The following SMOC2 variants were observed in gnomAD, a reference collection of about 807,000 sequenced individuals.
The protein encoded by SMOC2 is SPARC related modular calcium binding 2.
Under a neutral mutation model 61.4 loss-of-function variants are expected in SMOC2, and 39 were observed. The ratio of observed to expected loss-of-function variants is 0.64; its 90% CI spans 0.49 to 0.83. The LOEUF (loss-of-function observed/expected upper bound fraction) is 0.83. Among genes scored for constraint, SMOC2 ranks in the 40% least tolerant of loss-of-function variants. SMOC2 has a pLI of 0.00. For synonymous variants in SMOC2, 247 were observed against 239.9 expected, an observed-to-expected ratio of 1.03 and a Z score of -0.27; for missense variants, 556 against 592.9, an observed-to-expected ratio of 0.94 and a Z score of 0.65.
chr6:168,442,882 T>G (rs1314515417), intron 1 of SMOC2, among the ~76,000 whole-genome samples: 1 of 151,628 alleles, frequency 6.6e-6, no homozygotes, highest in Non-Finnish European at 1.5e-5. Flanking sequence ...TCCAAGGAGG[T>G]TTTCACACAC....
In SMOC2 at chr6:168,577,648, G is replaced by A. The variant is rs374036650; in HGVS notation, c.638-21170G>A. ...TCCTGGACTGGCTCTATCTGGTCCC[G>A]CAGCATCTCCCAGCAGTGATTCATT... On this transcript the variant is annotated intron_variant, in intron 7 of 12. Transcript: ENST00000356284. Among the ~76,000 whole-genome samples the A allele has an allele frequency of 1.2e-4, 19 of 152,256 alleles. No homozygotes were observed. The East Asian group carries it at 2.3e-3, about 19-fold the overall frequency.
At chr6:168,477,685 T>C (rs1487673013) in intron 1 of SMOC2, among the ~76,000 whole-genome samples, 1 of 152,066 alleles carries the variant, frequency 6.6e-6, no homozygotes. Context: ...AACACCTTGG[T>C]GTGTGTGTGT....
chr6:168,508,120 G>A (rs964205993), intron 1 of SMOC2, among the ~76,000 whole-genome samples: 12 of 152,226 alleles, frequency 7.9e-5, no homozygotes, highest in African/African-American at 2.7e-4. Context: ...ACAGCATCTT[G>A]TGTGCCCTAC....
intron 4 of SMOC2, among the ~76,000 whole-genome samples, chr6:168,534,462 C>T (rs1434982345): frequency 6.6e-6 from 1 of 152,232 alleles, no homozygotes; most frequent in Non-Finnish European, 1.5e-5. Flanking sequence ...AAGTCAGGTT[C>T]CCCTGCGTCC....
At chr6:168,612,808 G>GCTCT (rs1785915808) in intron 9 of SMOC2, among the ~76,000 whole-genome samples, 2 of 152,214 alleles carry the variant, frequency 1.3e-5, no homozygotes, top group Non-Finnish European at 2.9e-5. Context: ...GAAAGACAGA[G>GCTCT]GTGCAGGGAG....
At chr6:168,466,685 G>A (rs1562542928) in intron 1 of SMOC2, among the ~76,000 whole-genome samples, 1 of 152,216 alleles carries the variant, frequency 6.6e-6, no homozygotes, top group Non-Finnish European at 1.5e-5. Context: ...CCCAGAGGAC[G>A]AATTCTTCAA....
chr6:168,468,654 C>T (rs1781898589), intron 1 of SMOC2, among the ~76,000 whole-genome samples: 1 of 152,210 alleles, frequency 6.6e-6, no homozygotes, highest in Non-Finnish European at 1.5e-5. Flanking sequence ...CGTGCCTCAG[C>T]CTCCCGAGTA....
At chr6:168,643,673 A>AGCC (rs1482263562) in intron 9 of SMOC2, among the ~76,000 whole-genome samples, 1,939 of 152,248 alleles carry the variant, frequency 0.013, 50 homozygotes, top group African/African-American at 0.044. Flanking sequence ...GCTCCAGGTG[A>AGCC]GCTCGGCACA....
intron 11 of SMOC2, chr6:168,655,431 T>C: frequency 2.2e-6 from 1 of 456,452 alleles, no homozygotes; most frequent in Non-Finnish European, 4.4e-6. Flanking sequence ...AGAGCCCAGA[T>C]GTTCTTAGGA....
intron 1 of SMOC2, among the ~76,000 whole-genome samples, chr6:168,454,913 C>G (rs1028209377): frequency 9.9e-5 from 15 of 151,924 alleles, no homozygotes; most frequent in Non-Finnish European, 1.6e-4. Flanking sequence ...GCCAGGGTCC[C>G]GGTTTGAGAC....
chr6:168,635,648 A>C (rs1786696721), intron 9 of SMOC2, among the ~76,000 whole-genome samples: 1 of 152,186 alleles, frequency 6.6e-6, no homozygotes, highest in Non-Finnish European at 1.5e-5. Context: ...AGGTGGGTAG[A>C]TCACTTGAGG....
chr6:168,646,265 A>G (rs1270699884), intron 9 of SMOC2, among the ~76,000 whole-genome samples: 4 of 152,128 alleles, frequency 2.6e-5, no homozygotes, highest in Non-Finnish European at 4.4e-5. Flanking sequence ...CCTCACTGGC[A>G]CAATCCAGAC....
intron 7 of SMOC2, among the ~76,000 whole-genome samples, chr6:168,582,684 GC>G (rs2115161066): frequency 6.6e-6 from 1 of 152,332 alleles, no homozygotes; most frequent in East Asian, 1.9e-4. Flanking sequence ...CTGGAACGCC[GC>G]CATGGAGAGA....
intron 1 of SMOC2, among the ~76,000 whole-genome samples, chr6:168,483,930 A>G (rs1434087399): frequency 6.6e-6 from 1 of 152,206 alleles, no homozygotes. Flanking sequence ...CATCAGATAC[A>G]ATAATTAACT....
At chr6:168,608,080 G>A (rs1376210069) in intron 8 of SMOC2, 77 bp from the exon 9 acceptor site, 1 of 1,397,060 alleles carries the variant, frequency 7.2e-7, no homozygotes, top group African/African-American at 1.4e-5. Context: ...GGACACTCCA[G>A]AAATGGAAGA....
intron 9 of SMOC2, among the ~76,000 whole-genome samples, chr6:168,627,379 A>G (rs1168479107): frequency 2.6e-5 from 4 of 152,170 alleles, no homozygotes; most frequent in Non-Finnish European, 5.9e-5. Context: ...AATATCAGGA[A>G]TTGGTATTTT....
At chr6:168,606,651 C>A (rs1001969771) in intron 8 of SMOC2, among the ~76,000 whole-genome samples, 27 of 152,284 alleles carry the variant, frequency 1.8e-4, no homozygotes, top group African/African-American at 5.8e-4. Flanking sequence ...TAAATAGGAT[C>A]TTGTAGCCCT....
At position 168,557,030 on chromosome 6, in the gene SMOC2, T is replaced by G. The variant is rs549238821; in HGVS notation, c.637+7827T>G. ...TTTGCTTTATTTAGGGATGATAATTTTTGTTATATCGGACATATTAAAATT... is the reference window on the plus strand; with the variant it reads ...TTTGCTTTATTTAGGGATGATAATTGTTGTTATATCGGACATATTAAAATT... On this transcript the variant is annotated intron_variant, in intron 7 of 12. Coordinates refer to ENST00000356284, the MANE Select transcript of SMOC2 (RefSeq NM_001166412.2). 4.6e-5 allele frequency among the ~76,000 whole-genome samples: 7 copies of G among 152,246 alleles called. No individual in the cohort carries two copies. The South Asian group carries it at 1.5e-3, about 32-fold the overall frequency.
chr6:168,483,425 G>T (rs1782257618), intron 1 of SMOC2, among the ~76,000 whole-genome samples: 2 of 152,026 alleles, frequency 1.3e-5, no homozygotes, highest in Non-Finnish European at 2.9e-5. Flanking sequence ...ATTGCCAAAA[G>T]AAGTTAAAAA....
Sources: allele counts gnomAD v4.1 joint callset (sites outside exome capture counted in the v4.1 genomes callset), GRCh38; gene constraint gnomAD v4.1.1; transcripts MANE v1.5; gene names NCBI Gene and HGNC (gene_info 2026-07-23, HGNC 2026-07-21).